CPO: variants seen among roughly 807,000 people sequenced by gnomAD.
The protein encoded by CPO is carboxypeptidase O, also known as metallocarboxypeptidase C.
A neutral mutation model predicts 41.2 loss-of-function variants in CPO; 43 were observed. The ratio of observed to expected loss-of-function variants is 1.04; its 90% CI spans 0.82 to 1.35. The LOEUF (loss-of-function observed/expected upper bound fraction) is 1.35. Ranked by LOEUF, CPO falls within the 40% of genes most tolerant of loss-of-function variation. CPO has a pLI of 0.00. For synonymous variants in CPO, 178 were observed against 162.7 expected (o/e 1.09, Z -0.72); for missense variants, 408 against 451.7 (o/e 0.90, Z 0.88).
In CPO at chr2:206,949,644, T is replaced by C. The variant is rs1243183593; in HGVS notation, c.96T>C (p.Ile32=). 6.2e-7 allele frequency: 1 copy of C among 1,613,442 alleles called. No individual in the cohort carries two copies. The highest frequency in any genetic ancestry group is 1.1e-5 in the South Asian group (1 of 91,040). ...DRSLAQHRQE[I]VDKSVSPWSL... ...CCTTAGCCCAACACAGACAAGAGAT[T>C]GTGGACAAGTCAGTGAGTCCATGGA... The change falls in exon 2 of 9, where the codon ATT becomes ATC. Residue 32 remains isoleucine, a synonymous_variant. Coordinates refer to ENST00000272852, the MANE Select transcript of CPO (RefSeq NM_173077.3).
At chr2:206,966,490 A>G (rs180752332) in intron 7 of CPO, among the ~76,000 whole-genome samples, 2 of 152,272 alleles carry the variant, frequency 1.3e-5, no homozygotes, top group East Asian at 1.9e-4. Context: ...CATCACATAC[A>G]GCAGCTACCC....
chr2:206,954,886 A>G (rs967656539), intron 2 of CPO, among the ~76,000 whole-genome samples: 4 of 152,168 alleles, frequency 2.6e-5, no homozygotes, highest in African/African-American at 9.7e-5. Flanking sequence ...TTCTAAATCC[A>G]TCAGATCTTG....
intron 4 of CPO, among the ~76,000 whole-genome samples, chr2:206,958,733 T>TG (rs1428869131): frequency 1.4e-5 from 2 of 138,028 alleles, no homozygotes; most frequent in African/African-American, 5.5e-5. Context: ...TTCTAGTTTT[T>TG]TTTTTTTTTT....
intron 2 of CPO, among the ~76,000 whole-genome samples, chr2:206,954,657 A>G (rs1693325438): frequency 2.6e-5 from 4 of 152,144 alleles, no homozygotes; most frequent in Admixed American, 1.3e-4. Flanking sequence ...ACCGTACTCT[A>G]CTAGTACCAA....
intron 3 of CPO, among the ~76,000 whole-genome samples, chr2:206,957,443 T>C (rs140785519): frequency 2.0e-5 from 3 of 151,128 alleles, no homozygotes; most frequent in Non-Finnish European, 2.9e-5. Context: ...ATTTGAAAAA[T>C]AGATGAGGCT....
intron 7 of CPO, among the ~76,000 whole-genome samples, chr2:206,966,649 G>A (rs1012312129): frequency 3.3e-5 from 5 of 152,142 alleles, no homozygotes; most frequent in Non-Finnish European, 7.4e-5. Context: ...CACAAACCCA[G>A]GAACTGAGGC....
At chr2:206,946,725 CAAG>C (rs1466214848) in intron 1 of CPO, among the ~76,000 whole-genome samples, 1 of 152,022 alleles carries the variant, frequency 6.6e-6, no homozygotes. Flanking sequence ...GAATCAACCA[CAAG>C]AAAGTCTCCT....
Position 206,968,321 on chromosome 2 carries a change from G to A in CPO, c.836G>A (p.Arg279Lys). ...AAAGCAAAGTATGGAACCAATTATA[G>A]AGTTGGATCGAGTGCAGATATTTTA... ...ALKAKYGTNY[R>K]VGSSADILYA... Residue 279 changes from arginine to lysine, a missense_variant, in exon 8 of 9, where the codon AGA (arginine) becomes AAA (lysine). Physicochemically the swap from Arg to Lys is conservative, Grantham distance 26. Transcript: ENST00000272852. The A allele has an allele frequency of 6.2e-7, 1 of 1,608,390 alleles. No homozygotes were observed. Among genetic ancestry groups the A allele is most frequent in the South Asian group, 1.1e-5 (1 of 90,960 alleles).
At chr2:206,942,972 C>G (rs149010882) in intron 1 of CPO, among the ~76,000 whole-genome samples, 77 of 152,256 alleles carry the variant, frequency 5.1e-4, no homozygotes, top group African/African-American at 1.5e-3. Flanking sequence ...GACCCAGTTG[C>G]TCAATGCTGG....
intron 2 of CPO, among the ~76,000 whole-genome samples, chr2:206,952,162 T>A (rs1420800855): frequency 6.6e-6 from 1 of 151,934 alleles, no homozygotes; most frequent in Non-Finnish European, 1.5e-5. Flanking sequence ...TTGCCCAGGC[T>A]GGAGTGCAGT....
At position 206,969,159 on chromosome 2, in the gene CPO, T is replaced by C. The variant is rs570745087; in HGVS notation, c.863-15T>C. The C allele has an allele frequency of 7.3e-4, 1,184 of 1,612,318 alleles. 15 individuals are homozygous for C. The South Asian group carries it at 0.012, about 17-fold the overall frequency. ...AGTATGACTTCTACCTCTGCCTTCA[T>C]GTTTTCACCTGTAGATGCCTCATCA... On this transcript the variant is annotated splice_polypyrimidine_tract_variant and intron_variant, in intron 8 of 8. Transcript: ENST00000272852.
chr2:206,955,343 G>C, intron 2 of CPO, 120 bp from the exon 3 acceptor site: 1 of 719,824 alleles, frequency 1.4e-6, no homozygotes, highest in African/African-American at 1.7e-5. Flanking sequence ...CCACACAGCT[G>C]TTGCAATCTA....
At chr2:206,965,009 T>G (rs546704635) in intron 7 of CPO, among the ~76,000 whole-genome samples, 2 of 152,316 alleles carry the variant, frequency 1.3e-5, no homozygotes, top group Admixed American at 1.3e-4. Context: ...TAGAGCCCTG[T>G]GCTGTGGCCA....
chr2:206,948,869 T>C (rs1306791168), intron 1 of CPO, among the ~76,000 whole-genome samples: 2 of 152,168 alleles, frequency 1.3e-5, no homozygotes, highest in Admixed American at 6.5e-5. Flanking sequence ...ATATAAACAA[T>C]GGACTTTGGG....
chr2:206,968,696 G>A (rs541133657), intron 8 of CPO, among the ~76,000 whole-genome samples: 19 of 152,316 alleles, frequency 1.2e-4, no homozygotes, highest in Admixed American at 2.6e-4. Context: ...GACCCATCAG[G>A]CTAAGAAAGC....
At chr2:206,943,731 T>TGG (rs1574344999) in intron 1 of CPO, among the ~76,000 whole-genome samples, 83 of 22,474 alleles carry the variant, frequency 3.7e-3, no homozygotes, top group Admixed American at 8.9e-3. Flanking sequence ...GGATAGATGA[T>TGG]AGATAGATAG....
In CPO at chr2:206,962,471, G is replaced by C. The variant is rs1559073914; in HGVS notation, c.634G>C (p.Glu212Gln). Residue 212 changes from glutamate to glutamine, a missense_variant, in exon 7 of 9, where the codon GAA (glutamate) becomes CAA (glutamine). Glu to Gln is a conservative substitution (Grantham distance 29, BLOSUM62 2). Coordinates refer to ENST00000272852, the MANE Select transcript of CPO (RefSeq NM_173077.3). ...QTFCGTGPVS[E>Q]PETKAVASFI... is the part of the protein sequence containing the mutation. ...ATTCTGTGGGACAGGGCCAGTGTCT[G>C]AACCAGAGACTAAAGCTGTTGCCAG... is the stretch of plus-strand genomic sequence containing the variant. The C allele has an allele frequency of 6.2e-7, 1 of 1,614,086 alleles. No homozygotes were observed. The highest frequency in any genetic ancestry group is 8.5e-7 in the Non-Finnish European group (1 of 1,180,028).
chr2:206,965,313 G>T (rs2105829476), intron 7 of CPO, among the ~76,000 whole-genome samples: 1 of 152,190 alleles, frequency 6.6e-6, no homozygotes, highest in East Asian at 1.9e-4. Flanking sequence ...TTGGGGGCAA[G>T]CTTTGATAGA....
At chr2:206,964,492 G>A (rs1392654479) in intron 7 of CPO, among the ~76,000 whole-genome samples, 3 of 152,078 alleles carry the variant, frequency 2.0e-5, no homozygotes, top group Non-Finnish European at 2.9e-5. Context: ...GGAAGTGGTG[G>A]GGCCCAGGCT....
Sources: allele counts gnomAD v4.1 joint callset (sites outside exome capture counted in the v4.1 genomes callset), GRCh38; gene constraint gnomAD v4.1.1; transcripts MANE v1.5; gene names NCBI Gene and HGNC (gene_info 2026-07-23, HGNC 2026-07-21).